SHB: variants seen among roughly 807,000 people sequenced by gnomAD.
SHB encodes the protein SH2 domain-containing adapter protein B.
A neutral mutation model predicts 52.3 loss-of-function variants in SHB; 20 were observed. The observed-to-expected ratio is 0.38, with a 90% CI of 0.27 to 0.56. The LOEUF (loss-of-function observed/expected upper bound fraction) is 0.56. Among genes scored for constraint, SHB ranks in the 20% least tolerant of loss-of-function variants. The pLI is 0.71. For missense variants in SHB, 825 were observed against 723.3 expected (o/e 1.14, Z -1.61); for synonymous variants, 397 against 316.5 (o/e 1.25, Z -2.70).
Position 38,068,528 on chromosome 9 carries a change from G to T in SHB, c.118C>A (p.Pro40Thr), listed in dbSNP as rs771324274. 2.7e-6 allele frequency: 4 copies of T among 1,456,284 alleles called. No homozygotes were observed. The highest frequency in any genetic ancestry group is 5.6e-5 in the Admixed American group (2 of 35,742). The allele number at this position is 1,456,284 out of a possible 1,614,324, so 90.2% of individuals were successfully genotyped here. ...QRRRGERPSQPPQAVPQASSA... is the reference protein window; with the variant it reads ...QRRRGERPSQTPQAVPQASSA... ...GAGGCCTGCGGCACGGCCTGGGGGGGCTGCGAAGGCCGCTCGCCTCGGCGC... is the reference window on the plus strand; with the variant it reads ...GAGGCCTGCGGCACGGCCTGGGGGGTCTGCGAAGGCCGCTCGCCTCGGCGC... Residue 40 changes from proline to threonine, a missense_variant, in exon 1 of 6, where the codon CCC (proline) becomes ACC (threonine). Transcript: ENST00000377707.
At chr9:38,057,384 C>T (rs901239229) in intron 1 of SHB, among the ~76,000 whole-genome samples, 1 of 152,096 alleles carries the variant, frequency 6.6e-6, no homozygotes, top group Admixed American at 6.6e-5. Context: ...CTTTGAATTA[C>T]GGAATTAGGG....
At chr9:37,995,133 TG>T (rs1000344230) in intron 2 of SHB, among the ~76,000 whole-genome samples, 1 of 151,992 alleles carries the variant, frequency 6.6e-6, no homozygotes, top group Non-Finnish European at 1.5e-5. Context: ...GAGAACAGGC[TG>T]GGGGAAGGGC....
chr9:38,030,841 A>G (rs932362372), intron 1 of SHB, among the ~76,000 whole-genome samples: 2 of 152,056 alleles, frequency 1.3e-5, no homozygotes, highest in Non-Finnish European at 2.9e-5. Context: ...GCAGGGCACC[A>G]TTAGCTAAGT....
intron 2 of SHB, among the ~76,000 whole-genome samples, chr9:37,992,825 G>GA (rs1820899242): frequency 6.6e-6 from 1 of 152,182 alleles, no homozygotes; most frequent in African/African-American, 2.4e-5. Flanking sequence ...AGGTATCAGA[G>GA]ATAGAAACAG....
At chr9:37,951,687 T>C (rs1832568190) in intron 4 of SHB, among the ~76,000 whole-genome samples, 1 of 152,256 alleles carries the variant, frequency 6.6e-6, no homozygotes, top group African/African-American at 2.4e-5. Context: ...GCATGGCCTC[T>C]GGATTCTTGT....
chr9:38,060,521 T>C (rs1821879417), intron 1 of SHB, among the ~76,000 whole-genome samples: 1 of 152,178 alleles, frequency 6.6e-6, no homozygotes, highest in Non-Finnish European at 1.5e-5. Flanking sequence ...TGTGCCTTGG[T>C]TTCCTCATAT....
chr9:37,959,876 G>T (rs1270182378), intron 3 of SHB, among the ~76,000 whole-genome samples: 2 of 152,136 alleles, frequency 1.3e-5, no homozygotes, highest in Non-Finnish European at 2.9e-5. Flanking sequence ...TGAGGGTAGG[G>T]GCTGTATCAT....
At chr9:37,994,176 A>G (rs1820919755) in intron 2 of SHB, among the ~76,000 whole-genome samples, 1 of 152,238 alleles carries the variant, frequency 6.6e-6, no homozygotes, top group African/African-American at 2.4e-5. Flanking sequence ...GAGAGAGTAG[A>G]AAGTGACCAT....
At chr9:38,058,225 C>T (rs981309291) in intron 1 of SHB, among the ~76,000 whole-genome samples, 24 of 152,232 alleles carry the variant, frequency 1.6e-4, no homozygotes, top group Non-Finnish European at 3.2e-4. Context: ...CCTCCTCTTC[C>T]TGACGGTTTT....
intron 5 of SHB, among the ~76,000 whole-genome samples, chr9:37,926,573 C>A (rs74931361): frequency 2.0e-5 from 3 of 152,352 alleles, no homozygotes; most frequent in African/African-American, 7.2e-5. Flanking sequence ...TGAGACTGAA[C>A]ACAAGTCCAT....
chr9:38,037,202 A>C (rs1187981679), intron 1 of SHB, among the ~76,000 whole-genome samples: 1 of 152,230 alleles, frequency 6.6e-6, no homozygotes, highest in Non-Finnish European at 1.5e-5. Context: ...AAACAAGAGA[A>C]CTGGAGAAAG....
intron 5 of SHB, among the ~76,000 whole-genome samples, chr9:37,943,492 T>C (rs1008384525): frequency 1.3e-5 from 2 of 152,042 alleles, no homozygotes; most frequent in Non-Finnish European, 2.9e-5. Context: ...ACCCCAGAGG[T>C]GTCTCCTTAG....
At chr9:38,039,747 C>A (rs1821546483) in intron 1 of SHB, among the ~76,000 whole-genome samples, 1 of 152,260 alleles carries the variant, frequency 6.6e-6, no homozygotes, top group African/African-American at 2.4e-5. Flanking sequence ...CCTCATGAGT[C>A]CAGGCCAGGC....
chr9:37,946,382 A>G (rs992823434), intron 5 of SHB, among the ~76,000 whole-genome samples: 1 of 152,198 alleles, frequency 6.6e-6, no homozygotes, highest in Non-Finnish European at 1.5e-5. Flanking sequence ...GCCTGCTTTT[A>G]TAACTGAGGG....
At chr9:37,991,877 G>A (rs935608710) in intron 2 of SHB, among the ~76,000 whole-genome samples, 20 of 152,322 alleles carry the variant, frequency 1.3e-4, no homozygotes, top group African/African-American at 4.6e-4. Flanking sequence ...AAGAGGCTAC[G>A]CCTCACTGAG....
intron 5 of SHB, among the ~76,000 whole-genome samples, chr9:37,944,434 A>G (rs1257180988): frequency 1.3e-5 from 2 of 152,094 alleles, no homozygotes; most frequent in African/African-American, 4.8e-5. Context: ...CCATGAGGCA[A>G]AGGGACTAGA....
At chr9:38,038,574 C>G (rs1301628257) in intron 1 of SHB, among the ~76,000 whole-genome samples, 1 of 152,180 alleles carries the variant, frequency 6.6e-6, no homozygotes, top group East Asian at 1.9e-4. Context: ...AATGAGGAAA[C>G]TGGCTCAGAG....
chr9:38,063,915 A>G (rs1335426256), intron 1 of SHB, among the ~76,000 whole-genome samples: 3 of 151,520 alleles, frequency 2.0e-5, no homozygotes, highest in Non-Finnish European at 2.9e-5. Context: ...ACACATTAGT[A>G]TGTATTTAAA....
At chr9:37,966,647 T>A (rs1463929117) in intron 3 of SHB, among the ~76,000 whole-genome samples, 1 of 152,136 alleles carries the variant, frequency 6.6e-6, no homozygotes, top group Non-Finnish European at 1.5e-5. Context: ...CTCAAGGCAT[T>A]CTGGGAAGCT....
Sources: allele counts gnomAD v4.1 joint callset (sites outside exome capture counted in the v4.1 genomes callset), GRCh38; gene constraint gnomAD v4.1.1; transcripts MANE v1.5; gene names NCBI Gene and HGNC (gene_info 2026-07-23, HGNC 2026-07-21).